Variants in CCDC138 observed in about 807,000 individuals in gnomAD.
The protein encoded by CCDC138 is coiled-coil domain containing 138.
CCDC138 carries 66 observed loss-of-function variants against 82.3 expected under a neutral mutation model. That is an observed-to-expected ratio of 0.80 (90% confidence interval 0.66 to 0.98). The LOEUF is 0.98. Ranked by LOEUF, CCDC138 falls within the 50% of genes least tolerant of loss-of-function variation. CCDC138 has a pLI of 0.00. For missense variants in CCDC138, 816 were observed against 758.9 expected (o/e 1.08, Z -0.88); for synonymous variants, 297 against 265.4 (o/e 1.12, Z -1.16).
intron 11 of CCDC138, among the ~76,000 whole-genome samples, chr2:108,846,387 T>C (rs1355844994): frequency 6.6e-6 from 1 of 152,094 alleles, no homozygotes; most frequent in Non-Finnish European, 1.5e-5. Context: ...ATATTTAAAA[T>C]AGTTATTGGC....
In CCDC138 at chr2:108,832,013, G is replaced by A. The variant is rs553461218; in HGVS notation, c.1207-7172G>A. Among the ~76,000 whole-genome samples, 15 of 151,738 alleles carry A rather than the reference G, an allele frequency of 9.9e-5. No homozygotes were observed. The South Asian group carries it at 1.5e-3, about 15-fold the overall frequency. On this transcript the variant is annotated intron_variant, in intron 10 of 14. Coordinates refer to ENST00000295124, the MANE Select transcript of CCDC138 (RefSeq NM_144978.3). The stretch of plus-strand genomic sequence containing the variant: ...CTCCCGAAGTGCTGGGATTACAAGC[G>A]TGAGCCACCACGCACAGCTTTTTTT...
intron 10 of CCDC138, among the ~76,000 whole-genome samples, chr2:108,838,956 C>T (rs757236964): frequency 7.3e-4 from 111 of 152,034 alleles, no homozygotes; most frequent in Non-Finnish European, 1.3e-4. Context: ...GGTTAATCTC[C>T]TTAAACTAGA....
intron 10 of CCDC138, among the ~76,000 whole-genome samples, chr2:108,833,939 G>A (rs1278516144): frequency 1.4e-5 from 2 of 140,666 alleles, no homozygotes; most frequent in Non-Finnish European, 3.0e-5. Context: ...GTAGAGACAG[G>A]GTTTCACTGT....
chr2:108,847,285 C>T (rs1235136440), intron 12 of CCDC138, among the ~76,000 whole-genome samples: 1 of 152,158 alleles, frequency 6.6e-6, no homozygotes, highest in African/African-American at 2.4e-5. Flanking sequence ...TGGCCTACCA[C>T]CTGTTTTGTA....
intron 13 of CCDC138, among the ~76,000 whole-genome samples, chr2:108,866,056 C>T (rs1694365487): frequency 6.6e-6 from 1 of 152,144 alleles, no homozygotes. Context: ...AGTAGGGTAT[C>T]TGAATTGACT....
At chr2:108,847,540 T>C (rs1220174062) in intron 12 of CCDC138, among the ~76,000 whole-genome samples, 1 of 152,190 alleles carries the variant, frequency 6.6e-6, no homozygotes, top group Admixed American at 6.5e-5. Context: ...TAATAGTGAA[T>C]AAGGAAATGG....
chr2:108,882,389 G>A (rs1006957022), intron 1 of CCDC138: 1 of 152,164 alleles, frequency 6.6e-6, no homozygotes. Flanking sequence ...AATTAGGTAT[G>A]CCTGTATGGA....
At chr2:108,850,518 C>G (rs1691287614) in intron 12 of CCDC138, among the ~76,000 whole-genome samples, 1 of 152,140 alleles carries the variant, frequency 6.6e-6, no homozygotes, top group African/African-American at 2.4e-5. Flanking sequence ...GTGGCACGAT[C>G]TTGGCTCACT....
intron 10 of CCDC138, among the ~76,000 whole-genome samples, chr2:108,821,183 C>T (rs1685631424): frequency 1.3e-5 from 2 of 152,204 alleles, no homozygotes; most frequent in East Asian, 1.9e-4. Flanking sequence ...CATGGTGAAA[C>T]CCCATCTCTA....
intron 12 of CCDC138, among the ~76,000 whole-genome samples, chr2:108,851,777 C>G (rs757324671): frequency 2.0e-5 from 3 of 152,132 alleles, no homozygotes; most frequent in Non-Finnish European, 4.4e-5. Flanking sequence ...AGACCTTCCC[C>G]TGAGGCCTAA....
At chr2:108,861,580 A>G (rs185684100) in intron 13 of CCDC138, among the ~76,000 whole-genome samples, 124 of 148,714 alleles carry the variant, frequency 8.3e-4, no homozygotes, top group African/African-American at 3.0e-3. Flanking sequence ...TCCTGGGTTC[A>G]AGCGATTCTT....
At chr2:108,881,875 G>A (rs1696300889) in intron 1 of CCDC138, among the ~76,000 whole-genome samples, 1 of 152,148 alleles carries the variant, frequency 6.6e-6, no homozygotes, top group African/African-American at 2.4e-5. Flanking sequence ...CAGGCACGAT[G>A]GCTCACTCTT....
chr2:108,788,426 A>G (rs1228564816), intron 2 of CCDC138, among the ~76,000 whole-genome samples: 1 of 150,082 alleles, frequency 6.7e-6, no homozygotes, highest in African/African-American at 2.5e-5. Flanking sequence ...GTCTCAAAAA[A>G]GAAAAAAATA....
chr2:108,831,700 T>TCTTCCTTCCTTC (rs71383803), intron 10 of CCDC138, among the ~76,000 whole-genome samples: 28,658 of 145,108 alleles, frequency 0.2, 4,202 homozygotes, highest in East Asian at 0.74. Flanking sequence ...TGGCACAGAA[T>TCTTCCTTCCTTC]CTTCCTTCCT....
At chr2:108,845,657 C>T (rs1247478409) in intron 11 of CCDC138, among the ~76,000 whole-genome samples, 3 of 151,242 alleles carry the variant, frequency 2.0e-5, no homozygotes, top group African/African-American at 2.4e-5. Flanking sequence ...CTGCAAGCTC[C>T]GCCTCCCGTG....
In CCDC138 at chr2:108,857,066, C is replaced by CTT. The variant is rs35540493; in HGVS notation, c.1693+126_1693+127dup. The CTT allele has an allele frequency of 1.4e-3, 62 of 44,088 alleles. 17 individuals carry two copies. Among genetic ancestry groups the CTT allele is most frequent in the African/African-American group, 6.6e-3 (53 of 8,086 alleles). The allele number at this position is 44,088 out of a possible 1,614,324, so 2.7% of individuals were successfully genotyped here. A position where few individuals can be genotyped will look rare whatever the true frequency, so the allele number is the denominator to read the frequency against. On this transcript the variant is annotated intron_variant, in intron 13 of 14. Coordinates refer to ENST00000295124, the MANE Select transcript of CCDC138 (RefSeq NM_144978.3). ...TAACTCCACATATCAGATACTATTG[C>CTT]TTTTTTTTTTTTTTTTTTTTTTTTT...
chr2:108,810,534 C>T (rs965412772), intron 7 of CCDC138, among the ~76,000 whole-genome samples: 4 of 152,094 alleles, frequency 2.6e-5, no homozygotes, highest in African/African-American at 9.7e-5. Context: ...GGTATATTAT[C>T]TTTTTGGTGT....
intron 11 of CCDC138, among the ~76,000 whole-genome samples, chr2:108,841,389 T>A (rs1251712226): frequency 6.6e-6 from 1 of 152,216 alleles, no homozygotes; most frequent in African/African-American, 2.4e-5. Context: ...ATTGTAGATT[T>A]ATATGTTATA....
chr2:108,812,665 A>G lies in CCDC138; in HGVS notation c.890A>G (p.Asp297Gly). 3.7e-6 allele frequency: 6 copies of G among 1,613,130 alleles called. No homozygotes were observed. The highest frequency in any genetic ancestry group is 4.2e-6 in the Non-Finnish European group (5 of 1,179,154). The stretch of plus-strand genomic sequence containing the variant: ...GCAAGTGAAGAAAACAGGAAGATAG[A>G]CATTCAGGCTAAAAGAGTTCAAGCT... The part of the protein sequence containing the change: ...NEASEENRKI[D>G]IQAKRVQARL... The change falls in exon 8 of 15, where the codon GAC becomes GGC. Residue 297 changes from aspartate (D) to glycine (G), a missense_variant. Coordinates refer to ENST00000295124, the MANE Select transcript of CCDC138 (RefSeq NM_144978.3).
Sources: gnomAD v4.1 joint callset for allele counts (sites outside exome capture counted in the v4.1 genomes callset) on GRCh38, gnomAD v4.1.1 for gene constraint, MANE v1.5 for transcripts, NCBI Gene and HGNC (gene_info 2026-07-23, HGNC 2026-07-21) for gene names.